The following DAB1 variants were observed in gnomAD, a reference collection of about 807,000 sequenced individuals.
DAB1 encodes disabled homolog 1.
Under a neutral mutation model 64.6 loss-of-function variants are expected in DAB1, and 15 were observed. The observed-to-expected ratio is 0.23, with a 90% CI of 0.16 to 0.36. The LOEUF is 0.36. Ranked by LOEUF, DAB1 falls within the 10% of genes least tolerant of loss-of-function variation. The pLI is 1.00. For synonymous variants in DAB1, 235 were observed against 251.9 expected, an observed-to-expected ratio of 0.93 and a Z score of 0.64; for missense variants, 596 against 706.7, an observed-to-expected ratio of 0.84 and a Z score of 1.78.
At chr1:57,486,729 T>C (rs1644096663) in intron 7 of DAB1, among the ~76,000 whole-genome samples, 1 of 151,804 alleles carries the variant, frequency 6.6e-6, no homozygotes, top group African/African-American at 2.4e-5. Flanking sequence ...CAGCTTCAGG[T>C]ACAATAAGAA....
intron 6 of DAB1, among the ~76,000 whole-genome samples, chr1:57,765,177 G>C (rs572966360): frequency 6.6e-6 from 1 of 152,244 alleles, no homozygotes; most frequent in South Asian, 2.1e-4. Context: ...ATCAGAGAGA[G>C]AAATTTTGTC....
At chr1:57,079,307 C>T (rs935214312) in intron 4 of DAB1, among the ~76,000 whole-genome samples, 3 of 152,056 alleles carry the variant, frequency 2.0e-5, no homozygotes, top group African/African-American at 7.2e-5. Context: ...CATTCAGTCT[C>T]CCTCATTCTT....
chr1:58,395,155 T>C (rs1201398772), intron 3 of DAB1, among the ~76,000 whole-genome samples: 1 of 152,108 alleles, frequency 6.6e-6, no homozygotes, highest in African/African-American at 2.4e-5. Flanking sequence ...TATGGTTGGA[T>C]TGCATTAAGA....
At chr1:57,247,073 G>C (rs541180631) in intron 2 of DAB1, among the ~76,000 whole-genome samples, 1 of 151,446 alleles carries the variant, frequency 6.6e-6, no homozygotes, top group South Asian at 2.1e-4. Context: ...TTGGAGTTAA[G>C]AAAGTTTGGG....
intron 6 of DAB1, among the ~76,000 whole-genome samples, chr1:57,765,522 C>T (rs888340360): frequency 1.3e-5 from 2 of 152,222 alleles, no homozygotes; most frequent in East Asian, 3.9e-4. Context: ...GACAAGCCCA[C>T]GTGAAAGCAT....
rs145386130 is a variant in DAB1 at position 57,228,440 on chromosome 1, A to G, written c.67+62524T>C. On this transcript the variant is annotated intron_variant, in intron 2 of 14. Transcript: ENST00000371236. ...GATATAAAGATAAAATTTAGAAGAG[A>G]AAACCTGAATGACCAATAAACATGA... 1.6e-3 allele frequency among the ~76,000 whole-genome samples: 248 copies of G among 152,312 alleles called. 1 individual carries two copies. The highest frequency in any genetic ancestry group is 5.5e-3 in the African/African-American group (230 of 41,580).
At chr1:57,126,041 A>G (rs1657100440) in intron 4 of DAB1, among the ~76,000 whole-genome samples, 1 of 152,166 alleles carries the variant, frequency 6.6e-6, no homozygotes, top group Non-Finnish European at 1.5e-5. Context: ...CAAGTCACAT[A>G]TAGTCTAGCA....
chr1:58,110,793 G>T (rs1277132882), intron 5 of DAB1, among the ~76,000 whole-genome samples: 1 of 152,204 alleles, frequency 6.6e-6, no homozygotes, highest in Non-Finnish European at 1.5e-5. Flanking sequence ...TTTTTGCTGA[G>T]TCTAGACTTC....
intron 6 of DAB1, among the ~76,000 whole-genome samples, chr1:57,745,551 C>T (rs944328948): frequency 6.6e-6 from 1 of 152,130 alleles, no homozygotes; most frequent in Non-Finnish European, 1.5e-5. Context: ...AGGCAACTGA[C>T]CTACCTCCCC....
chr1:58,372,595 G>A, intron 3 of DAB1, among the ~76,000 whole-genome samples: 1 of 152,160 alleles, frequency 6.6e-6, no homozygotes, highest in East Asian at 1.9e-4. Context: ...AAGAAGCCAG[G>A]AGAAGAATAA....
intron 3 of DAB1, among the ~76,000 whole-genome samples, chr1:58,443,380 T>A (rs1322460835): frequency 6.6e-6 from 1 of 152,228 alleles, no homozygotes; most frequent in Non-Finnish European, 1.5e-5. Context: ...CACCTATAAT[T>A]ACACTGCCCT....
chr1:57,585,248 GAAAAAAAAAAA>G (rs61528761), intron 7 of DAB1, among the ~76,000 whole-genome samples: 2 of 44,266 alleles, frequency 4.5e-5, no homozygotes, highest in African/African-American at 1.9e-4. Context: ...GACTCTTTCT[GAAAAAAAAAAA>G]AAAAAAAAAA....
intron 3 of DAB1, among the ~76,000 whole-genome samples, chr1:58,354,271 A>G (rs1213658): frequency 0.92 from 139,859 of 152,052 alleles, 64,494 homozygotes; most frequent in East Asian, 1. Context: ...ACCTATTCGA[A>G]TTCAAGCGAG....
chr1:57,710,816 T>A (rs191610440), intron 6 of DAB1, among the ~76,000 whole-genome samples: 66 of 152,242 alleles, frequency 4.3e-4, no homozygotes, highest in Non-Finnish European at 8.4e-4. Context: ...GAAGACAAAG[T>A]TGTTACTCAA....
intron 7 of DAB1, among the ~76,000 whole-genome samples, chr1:57,441,459 G>A (rs939691780): frequency 6.6e-6 from 1 of 151,426 alleles, no homozygotes; most frequent in Non-Finnish European, 1.5e-5. Flanking sequence ...AGGCTCAAGC[G>A]ATCCTGCCAC....
chr1:58,484,302 C>T (rs1645538223), intron 3 of DAB1, among the ~76,000 whole-genome samples: 1 of 152,178 alleles, frequency 6.6e-6, no homozygotes, highest in African/African-American at 2.4e-5. Flanking sequence ...TTTCTCACCT[C>T]CATTTGGAGA....
rs548026219 is a variant in DAB1, at chr1:57,582,581, C to A, written n.625+67011G>T. ...TTTAGGGAACAGGAGGATACACAAACTTTCAATCCATAGCATGGGCAAATA... is the reference window on the plus strand; with the variant it reads ...TTTAGGGAACAGGAGGATACACAAAATTTCAATCCATAGCATGGGCAAATA... On this transcript the variant is annotated intron_variant and non_coding_transcript_variant, in intron 7 of 20. Transcript: ENST00000485760. 1.3e-5 allele frequency among the ~76,000 whole-genome samples: 2 copies of A among 152,198 alleles called. 1 individual carries two copies. Among genetic ancestry groups the A allele is most frequent in the South Asian group, 4.1e-4 (2 of 4,834 alleles).
At chr1:57,060,924 A>G (rs897640627) in intron 9 of DAB1, among the ~76,000 whole-genome samples, 1 of 152,020 alleles carries the variant, frequency 6.6e-6, no homozygotes, top group African/African-American at 2.4e-5. Context: ...AAGGCAGCAA[A>G]TGGAGCATGT....
chr1:57,737,159 C>T (rs1476285638), intron 6 of DAB1, among the ~76,000 whole-genome samples: 1 of 152,194 alleles, frequency 6.6e-6, no homozygotes, highest in Non-Finnish European at 1.5e-5. Flanking sequence ...AGAGGCTAAC[C>T]ACCCAACCCA....
Sources: gnomAD v4.1 joint callset for allele counts (sites outside exome capture counted in the v4.1 genomes callset) on GRCh38, gnomAD v4.1.1 for gene constraint, MANE v1.5 for transcripts, NCBI Gene and HGNC (gene_info 2026-07-23, HGNC 2026-07-21) for gene names.